The following NCOA4 variants were observed in gnomAD, a reference collection of about 807,000 sequenced individuals.
NCOA4 encodes the protein nuclear receptor coactivator 4, also known as 70 kDa AR-activator.
In NCOA4, 31 loss-of-function variants were observed where a neutral mutation model predicts 69.5. The ratio of observed to expected loss-of-function variants is 0.45; its 90% confidence interval spans 0.34 to 0.60. The LOEUF (loss-of-function observed/expected upper bound fraction) is 0.60. NCOA4 is among the 20% of genes least tolerant of loss of function. The pLI is 0.02. For missense variants in NCOA4, 600 were observed against 719.2 expected, an observed-to-expected ratio of 0.83 and a Z score of 1.90; for synonymous variants, 228 against 252.4, an observed-to-expected ratio of 0.90 and a Z score of 0.92.
chr10:46,022,214 G>T (rs1222180154), intron 1 of NCOA4, among the ~76,000 whole-genome samples: 1 of 151,664 alleles, frequency 6.6e-6, no homozygotes, highest in Non-Finnish European at 1.5e-5. Flanking sequence ...TTACTTATTT[G>T]CCTGGCATCC....
chr10:46,020,100 T>C (rs541789969), intron 1 of NCOA4, among the ~76,000 whole-genome samples: 1 of 152,330 alleles, frequency 6.6e-6, no homozygotes, highest in South Asian at 2.1e-4. Flanking sequence ...CAAATCACAA[T>C]GAGCCTAAGC....
intron 1 of NCOA4, among the ~76,000 whole-genome samples, chr10:46,028,848 A>AG (rs1157193878): frequency 6.6e-6 from 1 of 152,070 alleles, no homozygotes; most frequent in Non-Finnish European, 1.5e-5. Flanking sequence ...TAAGAGACTG[A>AG]GTTCAAAGTC....
chr10:46,007,515 T>G (rs1428879360), intron 9 of NCOA4, among the ~76,000 whole-genome samples: 6 of 150,712 alleles, frequency 4.0e-5, no homozygotes, highest in Admixed American at 6.6e-5. Context: ...GCTAGAGAGA[T>G]AAGTGAATGC....
intron 1 of NCOA4, among the ~76,000 whole-genome samples, chr10:46,022,722 C>A (rs868978243): frequency 2.6e-5 from 4 of 152,128 alleles, no homozygotes; most frequent in Non-Finnish European, 5.9e-5. Context: ...GCCTCGGCCT[C>A]CCAAAGTGCT....
Position 46,005,525 on chromosome 10 carries a change from C to CA in NCOA4, c.*1066dup. The CA allele has an allele frequency of 4.5e-6, 1 of 220,602 alleles. No individual in the cohort carries two copies. Among genetic ancestry groups the CA allele is most frequent in the African/African-American group, 2.2e-5 (1 of 44,730 alleles). The allele number at this position is 220,602 out of a possible 1,614,324, so 13.7% of individuals were successfully genotyped here. ...AAACCCCACTTCTCTCCTACACAGA[C>CA]ATTTTAAAGCATGGACGTAACTTTA... is the stretch of plus-strand genomic sequence containing the variant. On this transcript the variant is annotated 3_prime_UTR_variant, in exon 10 of 10. Coordinates refer to ENST00000581486, the MANE Select transcript of NCOA4 (RefSeq NM_001145263.2).
chr10:46,006,280 C>T lies in NCOA4; in HGVS notation c.*312G>A. The T allele has an allele frequency of 2.5e-6, 1 of 406,550 alleles. No individual in the cohort carries two copies. Among genetic ancestry groups the T allele is most frequent in the Non-Finnish European group, 4.5e-6 (1 of 222,822 alleles). 25.2% of individuals were successfully genotyped at this position (406,550 alleles called of 1,614,324 possible). The stretch of plus-strand genomic sequence containing the variant: ...TTTTAATGTACTTTTAGTAACGACC[C>T]AATCTAAGGAGCCTTGGAGGCTTGT... On this transcript the variant is annotated 3_prime_UTR_variant, in exon 10 of 10. Coordinates refer to ENST00000581486, the MANE Select transcript of NCOA4 (RefSeq NM_001145263.2).
intron 7 of NCOA4, among the ~76,000 whole-genome samples, chr10:46,011,767 T>C (rs1554921702): frequency 1.3e-5 from 2 of 150,846 alleles, no homozygotes; most frequent in South Asian, 2.1e-4. Context: ...AACATGAAAA[T>C]ACTTGGCCGG....
intron 1 of NCOA4, chr10:46,019,622 T>C (rs1839756778): frequency 1.8e-6 from 1 of 569,134 alleles, no homozygotes; most frequent in African/African-American, 2.0e-5. Flanking sequence ...CAGTGCTGAC[T>C]GTATTACTAG....
intron 1 of NCOA4, 46 bp downstream of exon 1, chr10:46,030,480 C>A (rs990157700): frequency 6.6e-6 from 1 of 152,318 alleles, no homozygotes; most frequent in South Asian, 2.1e-4. Context: ...CCGGGCCCAG[C>A]GGGCCAGCGG....
rs114986721 is a variant in NCOA4, at chr10:46,015,061, A to T, written c.282+65T>A. 4.7e-4 allele frequency: 762 copies of T among 1,606,886 alleles called. 4 individuals carry two copies. The African/African-American group carries it at 8.2e-3, about 17-fold the overall frequency. On this transcript the variant is annotated intron_variant, in intron 3 of 9. Transcript: ENST00000581486. Reference sequence around the variant, plus strand: ...TGATCTATATTAACACTGCATTACAAGGAAGATACTCTCTGGCAACCAGAA... The same window carrying T: ...TGATCTATATTAACACTGCATTACATGGAAGATACTCTCTGGCAACCAGAA...
intron 1 of NCOA4, among the ~76,000 whole-genome samples, chr10:46,021,073 T>C (rs1839842612): frequency 6.6e-6 from 1 of 152,284 alleles, no homozygotes; most frequent in African/African-American, 2.4e-5. Context: ...AAACTATATA[T>C]GCCATGCTTA....
At chr10:46,008,249 A>G (rs1321241952) in intron 9 of NCOA4, among the ~76,000 whole-genome samples, 3 of 152,254 alleles carry the variant, frequency 2.0e-5, no homozygotes, top group African/African-American at 7.2e-5. Context: ...TTAAGGCCCT[A>G]GCTACCTAGG....
At chr10:46,019,498 G>A in intron 1 of NCOA4, 4 of 985,380 alleles carry the variant, frequency 4.1e-6, no homozygotes, top group Non-Finnish European at 4.8e-6. Context: ...CATTTGTGTG[G>A]AATGCCACAA....
chr10:46,016,297 C>G (rs1839535459), intron 2 of NCOA4, among the ~76,000 whole-genome samples: 1 of 53,954 alleles, frequency 1.9e-5, no homozygotes, highest in Non-Finnish European at 4.5e-5. Context: ...AGTTAGTAAT[C>G]TAAGTAAGCT....
intron 9 of NCOA4, chr10:46,009,008 G>A: frequency 1.6e-6 from 1 of 619,500 alleles, no homozygotes; most frequent in Non-Finnish European, 2.8e-6. Flanking sequence ...TGTTATTGCA[G>A]ACTTAACTAT....
chr10:46,009,711 T>C (rs571728812), intron 8 of NCOA4, among the ~76,000 whole-genome samples, 160 bp from the exon 9 acceptor site: 2 of 152,300 alleles, frequency 1.3e-5, no homozygotes, highest in African/African-American at 4.8e-5. Context: ...CCAAATATTT[T>C]CCATAAATAG....
At chr10:46,021,046 G>T (rs1473032558) in intron 1 of NCOA4, among the ~76,000 whole-genome samples, 1 of 152,154 alleles carries the variant, frequency 6.6e-6, no homozygotes, top group Admixed American at 6.5e-5. Context: ...TGGAGTTTCC[G>T]CAACAAGGAA....
Position 46,014,844 on chromosome 10 carries a change from G to A in NCOA4, c.371+10C>T. ...AGTCAAAAGTTAAAATACGCAAAAA[G>A]GGTCATTACCTCTCCAGGCACACAG... On this transcript the variant is annotated intron_variant, in intron 4 of 9. Transcript: ENST00000581486. 1 of 1,607,384 alleles carries A rather than the reference G, an allele frequency of 6.2e-7. No homozygotes were observed.
intron 9 of NCOA4, among the ~76,000 whole-genome samples, chr10:46,007,369 T>C (rs567231421): frequency 1.3e-5 from 2 of 152,240 alleles, no homozygotes; most frequent in African/African-American, 4.8e-5. Context: ...GCCATCTCCA[T>C]AGCAAAAATG....
Sources: gnomAD v4.1 joint callset for allele counts (sites outside exome capture counted in the v4.1 genomes callset) on GRCh38, gnomAD v4.1.1 for gene constraint, MANE v1.5 for transcripts, NCBI Gene and HGNC (gene_info 2026-07-23, HGNC 2026-07-21) for gene names.